Variants in JMJD1C observed in about 807,000 individuals in gnomAD.
The protein encoded by JMJD1C is jumonji domain containing 1C.
Under a neutral mutation model 245.3 loss-of-function variants are expected in JMJD1C, and 31 were observed. That is an observed-to-expected ratio of 0.13 (90% CI 0.09 to 0.17). The LOEUF is 0.17. Ranked by LOEUF, JMJD1C falls within the 10% of genes least tolerant of loss-of-function variation. The pLI, the probability that JMJD1C is intolerant of heterozygous loss-of-function variation, is 1.00. For missense variants in JMJD1C, 2,691 were observed against 3,000.2 expected (o/e 0.90, Z 2.41); for synonymous variants, 1,057 against 1,017.4 (o/e 1.04, Z -0.74).
chr10:63,312,464 G>C (rs996934457), intron 2 of JMJD1C, among the ~76,000 whole-genome samples: 1 of 152,088 alleles, frequency 6.6e-6, no homozygotes, highest in African/African-American at 2.4e-5. Context: ...ACATGTATCT[G>C]TGCATCAAAA....
chr10:63,197,348 T>C, intron 13 of JMJD1C, 63 bp downstream of exon 13: 2 of 1,360,546 alleles, frequency 1.5e-6, no homozygotes, highest in Non-Finnish European at 2.0e-6. Flanking sequence ...TCTCATGTTC[T>C]AGAAGAGTGA....
At chr10:63,427,698 T>C in intron 1 of JMJD1C, 1 of 1,314,998 alleles carries the variant, frequency 7.6e-7, no homozygotes, top group Non-Finnish European at 1.1e-6. Context: ...GGGTCTCCTC[T>C]AGCTTATTTG....
chr10:63,500,738 T>TGGAAGGAA (rs1352620928), intron 1 of JMJD1C, among the ~76,000 whole-genome samples: 1 of 96,332 alleles, frequency 1.0e-5, no homozygotes, highest in East Asian at 2.9e-4. Context: ...GATGGATGGA[T>TGGAAGGAA]GGATGGAAGG....
intron 24 of JMJD1C, among the ~76,000 whole-genome samples, chr10:63,173,996 C>G (rs891000543): frequency 6.6e-5 from 10 of 152,140 alleles, no homozygotes; most frequent in Non-Finnish European, 1.3e-4. Context: ...TGAGACACCA[C>G]TGTACACTTA....
At chr10:63,335,810 A>G (rs1942665220) in intron 2 of JMJD1C, among the ~76,000 whole-genome samples, 2 of 151,512 alleles carry the variant, frequency 1.3e-5, no homozygotes, top group Non-Finnish European at 1.5e-5. Flanking sequence ...GGCGCCTGGC[A>G]TAATATTTTC....
intron 2 of JMJD1C, among the ~76,000 whole-genome samples, chr10:63,323,661 T>C (rs1941178680): frequency 6.6e-6 from 1 of 152,136 alleles, no homozygotes; most frequent in Non-Finnish European, 1.5e-5. Flanking sequence ...ATTCAAGGCA[T>C]ACTTAGATGT....
intron 2 of JMJD1C, among the ~76,000 whole-genome samples, chr10:63,298,902 T>G (rs1157495226): frequency 1.3e-5 from 2 of 152,100 alleles, no homozygotes; most frequent in Non-Finnish European, 2.9e-5. Context: ...CTGGCTTTTT[T>G]GTATTTTTAG....
chr10:63,486,083 T>A lies in JMJD1C; in HGVS notation n.113+35655A>T, dbSNP rs1190156821. Among the ~76,000 whole-genome samples the A allele has an allele frequency of 4.8e-4, 59 of 123,264 alleles. 1 individual carries two copies. In the Admixed American group the frequency reaches 5.9e-3, roughly 12 times the overall value. The allele number at this position is 123,264 out of a possible 152,430, so 80.9% of individuals were successfully genotyped here. A position where few individuals can be genotyped will look rare whatever the true frequency, so the allele number is the denominator to read the frequency against. ...GACGTGACAAAGCCTGAAGAATGAATGAAAGTCAGCCAAAGACGTGGAGAA... is the reference window on the plus strand; with the variant it reads ...GACGTGACAAAGCCTGAAGAATGAAAGAAAGTCAGCCAAAGACGTGGAGAA... On this transcript the variant is annotated intron_variant and non_coding_transcript_variant, in intron 1 of 3. Transcript: ENST00000633035.
In JMJD1C at chr10:63,208,657, T is replaced by C; in HGVS notation, c.3012A>G (p.Leu1004=). The C allele has an allele frequency of 1.2e-6, 2 of 1,614,122 alleles. No individual in the cohort carries two copies. Among genetic ancestry groups the C allele is most frequent in the Non-Finnish European group, 1.7e-6 (2 of 1,179,994 alleles). ...RHFVDPVLNQ[L]QRPPQETGER... Reference sequence around the variant, plus strand: ...CTCCAGTCTCCTGGGGTGGCCTCTGTAACTGATTTAATACTGGATCCACAA... The same window carrying C: ...CTCCAGTCTCCTGGGGTGGCCTCTGCAACTGATTTAATACTGGATCCACAA... Residue 1004 remains leucine (L), a synonymous_variant, in exon 10 of 26, where the codon TTA becomes TTG. Coordinates refer to ENST00000399262, the MANE Select transcript of JMJD1C (RefSeq NM_032776.3).
chr10:63,481,796 G>C (rs942638723), intron 1 of JMJD1C, among the ~76,000 whole-genome samples: 5 of 152,186 alleles, frequency 3.3e-5, no homozygotes, highest in African/African-American at 1.2e-4. Context: ...AAGACACACA[G>C]GGAGGAAGAG....
intron 2 of JMJD1C, among the ~76,000 whole-genome samples, chr10:63,293,233 C>G (rs1589405450): frequency 6.6e-6 from 1 of 152,252 alleles, no homozygotes; most frequent in East Asian, 1.9e-4. Flanking sequence ...CTCAATGCCA[C>G]CAAACCTTAA....
chr10:63,223,144 ACCC>A lies in JMJD1C; in HGVS notation c.448-3164_448-3162del. 10 of 602,904 alleles carry A rather than the reference ACCC, an allele frequency of 1.7e-5. No individual in the cohort carries two copies. The South Asian group carries it at 1.9e-4, about 12-fold the overall frequency. The allele number at this position is 602,904 out of a possible 1,614,324, so 37.3% of individuals were successfully genotyped here. A position where few individuals can be genotyped will look rare whatever the true frequency, so the allele number is the denominator to read the frequency against. ...AAGAAATTATCTGCAAAAAAAAAAA[ACCC>A]AAACAAACAAAAACTTCCATACATA... On this transcript the variant is annotated intron_variant, in intron 3 of 25. Coordinates refer to ENST00000399262, the MANE Select transcript of JMJD1C (RefSeq NM_032776.3).
In JMJD1C at chr10:63,517,028, CCCT is replaced by C. The variant is rs540036198; in HGVS notation, n.113+4707_113+4709del. 2.0e-5 allele frequency among the ~76,000 whole-genome samples: 3 copies of C among 152,238 alleles called. No homozygotes were observed. In the South Asian group the frequency reaches 6.2e-4, roughly 32 times the overall value. On this transcript the variant is annotated intron_variant and non_coding_transcript_variant, in intron 1 of 3. Coordinates refer to the JMJD1C transcript ENST00000633035. ...AGTCTTCTTAAGATCCTCTCTCTCC[CCCT>C]ATTTTCTAAACAACTATGAAAGACA...
intron 1 of JMJD1C, among the ~76,000 whole-genome samples, chr10:63,421,372 A>G (rs1249297194): frequency 6.6e-6 from 1 of 152,188 alleles, no homozygotes; most frequent in African/African-American, 2.4e-5. Flanking sequence ...AAAACTATAT[A>G]GAGCAAAGCA....
At position 63,214,611 on chromosome 10, in the gene JMJD1C, T is replaced by A; in HGVS notation, c.1556A>T (p.Glu519Val). The A allele has an allele frequency of 1.2e-6, 2 of 1,614,178 alleles. No homozygotes were observed. Among genetic ancestry groups the A allele is most frequent in the South Asian group, 1.1e-5 (1 of 91,080 alleles). The stretch of plus-strand genomic sequence containing the variant: ...ACTTGAGTTTTCCTGAGCCACCTTT[T>A]CTAAATTAGTGTCATTTGTAATATC... ...VIDITNDTNL[E>V]KVAQENSSTF... The change falls in exon 8 of 26, where the codon GAA becomes GTA. Residue 519 changes from glutamate to valine, a missense_variant. By Grantham distance (121) the Glu-to-Val change is moderately radical. This residue lies in a region of JMJD1C where 1,562 missense variants were observed against 1,490.7 expected (regional missense o/e 1.05). Transcript: ENST00000399262.
intron 10 of JMJD1C, chr10:63,205,151 A>G (rs1846446260): frequency 2.4e-6 from 1 of 409,240 alleles, no homozygotes. Context: ...GCCACAAAGG[A>G]TATATAATCA....
intron 1 of JMJD1C, among the ~76,000 whole-genome samples, chr10:63,420,775 A>G (rs1391827226): frequency 6.6e-6 from 1 of 151,916 alleles, no homozygotes; most frequent in Non-Finnish European, 1.5e-5. Context: ...AACACCTGAC[A>G]AAATTAGAAA....
chr10:63,510,633 T>C (rs1052209799), intron 1 of JMJD1C, among the ~76,000 whole-genome samples: 1 of 152,184 alleles, frequency 6.6e-6, no homozygotes, highest in African/African-American at 2.4e-5. Context: ...TTGGTGAATG[T>C]TCCGTGTAAG....
intron 24 of JMJD1C, 61 bp from the exon 25 acceptor site, chr10:63,168,627 A>C: frequency 2.8e-6 from 4 of 1,454,004 alleles, no homozygotes; most frequent in Non-Finnish European, 3.6e-6. Flanking sequence ...AGAAAAGCCA[A>C]GTTATTTAAA....
Sources: gnomAD v4.1 joint callset for allele counts (sites outside exome capture counted in the v4.1 genomes callset) on GRCh38, gnomAD v4.1.1 for gene constraint, gnomAD v4.1.1 regional missense constraint, MANE v1.5 for transcripts, NCBI Gene and HGNC (gene_info 2026-07-23, HGNC 2026-07-21) for gene names.